The following LAMC1 variants were observed in gnomAD, a reference collection of about 807,000 sequenced individuals.
LAMC1 encodes the protein laminin subunit gamma-1.
Under a neutral mutation model 173.6 loss-of-function variants are expected in LAMC1, and 38 were observed. The ratio of observed to expected loss-of-function variants is 0.22; its 90% CI spans 0.17 to 0.29. The LOEUF (loss-of-function observed/expected upper bound fraction) is 0.29, where lower values mean the gene tolerates loss of function less well. Ranked by LOEUF, LAMC1 falls within the 10% of genes least tolerant of loss-of-function variation. The pLI is 1.00. For missense variants in LAMC1, 1,824 were observed against 2,051.8 expected (o/e 0.89, Z 2.14); for synonymous variants, 746 against 749.1 (o/e 1.00, Z 0.07).
intron 4 of LAMC1, among the ~76,000 whole-genome samples, chr1:183,114,113 A>C (rs1252914769): frequency 1.3e-5 from 2 of 152,170 alleles, no homozygotes; most frequent in Non-Finnish European, 2.9e-5. Flanking sequence ...CTTGTCGCCC[A>C]GGCTGGTGCC....
intron 25 of LAMC1, among the ~76,000 whole-genome samples, chr1:183,136,991 A>C (rs1484819163): frequency 5.9e-5 from 9 of 152,102 alleles, no homozygotes; most frequent in Non-Finnish European, 8.8e-5. Flanking sequence ...TGCCATATGT[A>C]AGCCACTCCT....
intron 4 of LAMC1, among the ~76,000 whole-genome samples, chr1:183,110,945 A>G (rs1656131135): frequency 6.6e-6 from 1 of 152,034 alleles, no homozygotes; most frequent in Non-Finnish European, 1.5e-5. Context: ...AGTGTAGTCT[A>G]CTCCGGAATA....
intron 3 of LAMC1, among the ~76,000 whole-genome samples, chr1:183,109,475 T>G (rs1270864960): frequency 2.0e-5 from 3 of 152,226 alleles, no homozygotes; most frequent in African/African-American, 7.2e-5. Context: ...CAAAGGTCCT[T>G]TTATTTAGTG....
chr1:183,102,420 G>A (rs1655859083), intron 1 of LAMC1, among the ~76,000 whole-genome samples: 1 of 152,224 alleles, frequency 6.6e-6, no homozygotes, highest in Non-Finnish European at 1.5e-5. Flanking sequence ...AATTCTTGTT[G>A]ACCAAACTGG....
chr1:183,134,994 A>C, intron 23 of LAMC1, 48 bp from the exon 24 acceptor site: 1 of 1,491,386 alleles, frequency 6.7e-7, no homozygotes, highest in Non-Finnish European at 9.4e-7. Flanking sequence ...AGGAGACAGA[A>C]GGGATTTGCT....
At chr1:183,124,517 C>A in intron 13 of LAMC1, 114 bp from the exon 14 acceptor site, 2 of 1,312,178 alleles carry the variant, frequency 1.5e-6, no homozygotes, top group Non-Finnish European at 2.1e-6. Context: ...CCCTCCACTG[C>A]ACCATGTCTT....
rs143759251 is a variant in LAMC1 at position 183,126,218 on chromosome 1, G to T, written c.2900G>T (p.Arg967Leu). The change falls in exon 16 of 28, where the codon CGC becomes CTC. Residue 967 changes from arginine (R) to leucine (L), a missense_variant. Arg to Leu is a moderately radical substitution (Grantham distance 102). Transcript: ENST00000258341. The part of the protein sequence containing the change: ...QPGITGQHCE[R>L]CEVNHFGFGP... ...GGCATCACTGGTCAGCACTGTGAGCGCTGTGAGGTCAACCACTTTGGGTTT... is the reference window on the plus strand; with the variant it reads ...GGCATCACTGGTCAGCACTGTGAGCTCTGTGAGGTCAACCACTTTGGGTTT... The T allele has an allele frequency of 3.7e-6, 6 of 1,614,048 alleles. No individual in the cohort carries two copies. Among genetic ancestry groups the T allele is most frequent in the Non-Finnish European group, 4.2e-6 (5 of 1,180,040 alleles).
chr1:183,077,776 G>GTGTGTGTGTATATATATATA lies in LAMC1; in HGVS notation c.419-25551_419-25550insGTGTGTGTATATATATATAT. ...TGAATAGTATTTTTATGGCCATTGT[G>GTGTGTGTGTATATATATATA]TATATATATATATATATATACAGTA... On this transcript the variant is annotated intron_variant, in intron 1 of 27. Coordinates refer to ENST00000258341, the MANE Select transcript of LAMC1 (RefSeq NM_002293.4). Among the ~76,000 whole-genome samples, 108 of 116,536 alleles carry GTGTGTGTGTATATATATATA rather than the reference G, an allele frequency of 9.3e-4. 7 individuals are homozygous for GTGTGTGTGTATATATATATA. The highest frequency in any genetic ancestry group is 2.7e-3 in the South Asian group (9 of 3,352). The allele number at this position is 116,536 out of a possible 152,430, so 76.5% of individuals were successfully genotyped here. A position where few individuals can be genotyped will look rare whatever the true frequency, so the allele number is the denominator to read the frequency against.
chr1:183,130,308 G>T (rs1399848063), intron 18 of LAMC1, 36 bp from the exon 19 acceptor site: 7 of 1,543,356 alleles, frequency 4.5e-6, no homozygotes, highest in Non-Finnish European at 5.4e-6. Flanking sequence ...ATCCTCTTCA[G>T]ATAATTTACA....
At chr1:183,122,875 C>T (rs1408436727) in intron 13 of LAMC1, among the ~76,000 whole-genome samples, 1 of 152,074 alleles carries the variant, frequency 6.6e-6, no homozygotes, top group African/African-American at 2.4e-5. Context: ...CTCCAAACAG[C>T]TCTTTTTGCC....
chr1:183,131,428 G>GGGGT, intron 20 of LAMC1, 50 bp downstream of exon 20: 11 of 951,922 alleles, frequency 1.2e-5, no homozygotes, highest in South Asian at 7.4e-5. Flanking sequence ...TCTGTTATGG[G>GGGGT]GTGTGTGTGT....
At position 183,122,065 on chromosome 1, in the gene LAMC1, G is replaced by A. The variant is rs746636358; in HGVS notation, c.2215G>A (p.Val739Ile). ...TCTCACGCCTGCCTTCCAAATAGGT[G>A]TTTGTAACTGCAGAGACAATACGGC... ...HSETCDPETG[V>I]CNCRDNTAGP... is the part of the protein sequence containing the mutation. The change falls in exon 13 of 28, where the codon GTT (valine) becomes ATT (isoleucine). Residue 739 changes from valine to isoleucine, a missense_variant and splice_region_variant. Val to Ile is a conservative substitution (Grantham distance 29). Coordinates refer to ENST00000258341, the MANE Select transcript of LAMC1 (RefSeq NM_002293.4). 1.2e-5 allele frequency: 20 copies of A among 1,612,604 alleles called. No homozygotes were observed. The highest frequency in any genetic ancestry group is 1.6e-5 in the Non-Finnish European group (19 of 1,178,868).
chr1:183,089,032 G>A lies in LAMC1; in HGVS notation c.419-14296G>A, dbSNP rs536859143. Among the ~76,000 whole-genome samples, 5 of 152,274 alleles carry A rather than the reference G, an allele frequency of 3.3e-5. No homozygotes were observed. The East Asian group carries it at 9.7e-4, about 29-fold the overall frequency. On this transcript the variant is annotated intron_variant, in intron 1 of 27. Transcript: ENST00000258341. ...AAGCTGGGGAGTGATAATGATATAG[G>A]GTGGGTTTATAGAATACTTTCCATC...
intron 1 of LAMC1, among the ~76,000 whole-genome samples, chr1:183,050,891 CAAAAA>C (rs779377179): frequency 7.3e-5 from 4 of 54,730 alleles, no homozygotes; most frequent in East Asian, 6.3e-4. Context: ...AACTCCATCT[CAAAAA>C]AAAAAAAAAA....
Position 183,121,876 on chromosome 1 carries a change from T to C in LAMC1, c.2144T>C (p.Leu715Pro), listed in dbSNP as rs897006373. The C allele has an allele frequency of 5.0e-6, 8 of 1,614,080 alleles. No individual in the cohort carries two copies. The highest frequency in any genetic ancestry group is 6.8e-6 in the Non-Finnish European group (8 of 1,180,034). ...LSGYRRETPN[L>P]GPYSPCVLCA... is the part of the protein sequence containing the mutation. ...GGTTACAGAAGAGAAACTCCTAATCTTGGACCATACAGTCCATGTGTGCTT... is the reference window on the plus strand; with the variant it reads ...GGTTACAGAAGAGAAACTCCTAATCCTGGACCATACAGTCCATGTGTGCTT... Residue 715 changes from leucine (L) to proline (P), a missense_variant, in exon 12 of 28, where the codon CTT (leucine) becomes CCT (proline). Physicochemically the swap from Leu to Pro is moderately conservative, Grantham distance 98. Coordinates refer to ENST00000258341, the MANE Select transcript of LAMC1 (RefSeq NM_002293.4).
chr1:183,114,129 G>C (rs970397126), intron 4 of LAMC1, among the ~76,000 whole-genome samples: 2 of 152,178 alleles, frequency 1.3e-5, no homozygotes, highest in African/African-American at 4.8e-5. Context: ...GTGCCCAGTG[G>C]CGTGATCTCA....
chr1:183,069,418 G>GTCTGTGCA (rs1400735843), intron 1 of LAMC1, among the ~76,000 whole-genome samples: 1 of 152,152 alleles, frequency 6.6e-6, no homozygotes, highest in African/African-American at 2.4e-5. Context: ...AATGTCCTAT[G>GTCTGTGCA]TCTGTGCACT....
intron 18 of LAMC1, 22 bp downstream of exon 18, chr1:183,128,772 A>C: frequency 6.4e-7 from 1 of 1,569,068 alleles, no homozygotes; most frequent in Non-Finnish European, 8.7e-7. Context: ...TGAACAGTGC[A>C]TGACTTCTGT....
In LAMC1 at chr1:183,068,852, G is replaced by C. The variant is rs564981315; in HGVS notation, c.419-34476G>C. On this transcript the variant is annotated intron_variant, in intron 1 of 27. Transcript: ENST00000258341. The stretch of plus-strand genomic sequence containing the variant: ...AGCTACTTGGGAGGCTGAGGCAGGA[G>C]AATCGCTTGAACCCAGGAGGCGAAG... Among the ~76,000 whole-genome samples, 8 of 152,130 alleles carry C rather than the reference G, an allele frequency of 5.3e-5. 1 individual carries two copies. The highest frequency in any genetic ancestry group is 1.9e-4 in the African/African-American group (8 of 41,478).
Sources: allele counts gnomAD v4.1 joint callset (sites outside exome capture counted in the v4.1 genomes callset), GRCh38; gene constraint gnomAD v4.1.1; transcripts MANE v1.5; gene names NCBI Gene and HGNC (gene_info 2026-07-23, HGNC 2026-07-21).